Variants in CCDC150 observed in about 807,000 individuals in gnomAD.
The protein encoded by CCDC150 is coiled-coil domain containing 150.
In CCDC150, 151 loss-of-function variants were observed where a neutral mutation model predicts 156.5. The ratio of observed to expected loss-of-function variants is 0.97; its 90% CI spans 0.85 to 1.10. The LOEUF (loss-of-function observed/expected upper bound fraction) is 1.10. Ranked by LOEUF, CCDC150 falls within the 50% of genes least tolerant of loss-of-function variation. CCDC150 has a pLI of 0.00. For synonymous variants in CCDC150, 452 were observed against 429.4 expected (o/e 1.05, Z -0.65); for missense variants, 1,312 against 1,268.1 (o/e 1.03, Z -0.53).
chr2:196,725,641 T>C (rs1228912405), intron 21 of CCDC150, among the ~76,000 whole-genome samples: 3 of 152,234 alleles, frequency 2.0e-5, no homozygotes. Context: ...GCTATAATGT[T>C]TTGTTTGAAA....
intron 6 of CCDC150, 87 bp from the exon 7 acceptor site, chr2:196,666,632 T>A (rs909481182): frequency 9.1e-7 from 1 of 1,094,688 alleles, no homozygotes; most frequent in Non-Finnish European, 1.3e-6. Flanking sequence ...ACATTAAGGT[T>A]GGAATGTTGC....
chr2:196,732,201 T>G, intron 27 of CCDC150, 49 bp downstream of exon 27: 1 of 1,605,050 alleles, frequency 6.2e-7, no homozygotes, highest in African/African-American at 1.3e-5. Flanking sequence ...TTGTTGCTTC[T>G]CAGATTTCTA....
chr2:196,677,542 A>T (rs1375235728), intron 13 of CCDC150, among the ~76,000 whole-genome samples, 181 bp downstream of exon 13: 2 of 152,150 alleles, frequency 1.3e-5, no homozygotes, highest in Non-Finnish European at 2.9e-5. Context: ...GTTTCTGGGG[A>T]ACATTTTCTT....
chr2:196,702,209 A>G (rs1475939336), intron 15 of CCDC150, among the ~76,000 whole-genome samples: 1 of 152,176 alleles, frequency 6.6e-6, no homozygotes, highest in Non-Finnish European at 1.5e-5. Flanking sequence ...TGATCATGCC[A>G]TTGCATTCCT....
Position 196,672,456 on chromosome 2 carries a change from G to T in CCDC150, c.1029+19G>T. 1 of 1,342,330 alleles carries T rather than the reference G, an allele frequency of 7.4e-7. No homozygotes were observed. Among genetic ancestry groups the T allele is most frequent in the African/African-American group, 1.5e-5 (1 of 65,576 alleles). 83.2% of individuals were successfully genotyped at this position (1,342,330 alleles called of 1,614,324 possible). On this transcript the variant is annotated intron_variant, in intron 9 of 27. Coordinates refer to ENST00000389175, the MANE Select transcript of CCDC150 (RefSeq NM_001080539.2). Reference sequence around the variant, plus strand: ...AGCACAAGTAAATGCTCATGATTTTGTTAGTTTTTAGATGTTATTTAATTT... The same window carrying T: ...AGCACAAGTAAATGCTCATGATTTTTTTAGTTTTTAGATGTTATTTAATTT...
intron 14 of CCDC150, among the ~76,000 whole-genome samples, chr2:196,699,396 A>G (rs555812742): frequency 3.2e-4 from 49 of 152,328 alleles, no homozygotes; most frequent in African/African-American, 1.2e-3. Flanking sequence ...TTAAAGGTGT[A>G]TGATTTTACG....
At chr2:196,676,933 C>A (rs546791740) in intron 12 of CCDC150, among the ~76,000 whole-genome samples, 1 of 152,260 alleles carries the variant, frequency 6.6e-6, no homozygotes, top group South Asian at 2.1e-4. Flanking sequence ...ATATACTTAT[C>A]CGGCGTTAGT....
chr2:196,709,352 A>G (rs147433326), intron 15 of CCDC150, among the ~76,000 whole-genome samples: 5 of 152,124 alleles, frequency 3.3e-5, no homozygotes, highest in African/African-American at 1.2e-4. Flanking sequence ...TTTCAGCTCC[A>G]TCAGGTCATT....
At chr2:196,654,822 C>T (rs1693094757) in intron 2 of CCDC150, among the ~76,000 whole-genome samples, 1 of 152,164 alleles carries the variant, frequency 6.6e-6, no homozygotes, top group Non-Finnish European at 1.5e-5. Context: ...GGTTTCTGTA[C>T]ATTAAGACAG....
chr2:196,668,672 T>C (rs1396092336), intron 7 of CCDC150, among the ~76,000 whole-genome samples: 2 of 152,194 alleles, frequency 1.3e-5, no homozygotes, highest in Non-Finnish European at 2.9e-5. Context: ...AAATATTTGC[T>C]TCAATGAATT....
chr2:196,684,714 T>A (rs1695028543), intron 13 of CCDC150, among the ~76,000 whole-genome samples: 1 of 152,140 alleles, frequency 6.6e-6, no homozygotes, highest in African/African-American at 2.4e-5. Context: ...TTTTGCTTCA[T>A]ATACTTGTGG....
At chr2:196,680,857 A>C (rs902008026) in intron 13 of CCDC150, among the ~76,000 whole-genome samples, 1 of 152,230 alleles carries the variant, frequency 6.6e-6, no homozygotes, top group Non-Finnish European at 1.5e-5. Flanking sequence ...TGAGAGTTCC[A>C]GTGTCTCCAC....
At chr2:196,700,693 A>G (rs961900919) in intron 14 of CCDC150, among the ~76,000 whole-genome samples, 7 of 152,280 alleles carry the variant, frequency 4.6e-5, no homozygotes, top group African/African-American at 1.4e-4. Flanking sequence ...GCTTTTTACC[A>G]TGGTAAGTGA....
intron 13 of CCDC150, among the ~76,000 whole-genome samples, chr2:196,691,468 T>G (rs1695468211): frequency 6.6e-6 from 1 of 152,328 alleles, no homozygotes; most frequent in Non-Finnish European, 1.5e-5. Context: ...ATTTATCTGT[T>G]TCTTCTATAT....
intron 1 of CCDC150, among the ~76,000 whole-genome samples, chr2:196,643,498 A>G (rs1692359846): frequency 6.6e-6 from 1 of 152,234 alleles, no homozygotes; most frequent in Non-Finnish European, 1.5e-5. Flanking sequence ...TGGAGAGCCA[A>G]TGTAAGCATT....
At chr2:196,719,197 C>G (rs1452574771) in intron 18 of CCDC150, 2 of 212,384 alleles carry the variant, frequency 9.4e-6, no homozygotes, top group East Asian at 2.0e-4. Flanking sequence ...GCCAGCCTGG[C>G]GCCACCTCTG....
At chr2:196,719,765 C>CAAA (rs368182383) in intron 19 of CCDC150, 99 bp downstream of exon 19, 4 of 545,040 alleles carry the variant, frequency 7.3e-6, no homozygotes, top group Non-Finnish European at 7.9e-6. Context: ...GCTTCCTTTA[C>CAAA]AAAAAAAAAA....
At chr2:196,643,773 T>C (rs1692375201) in intron 1 of CCDC150, among the ~76,000 whole-genome samples, 1 of 152,230 alleles carries the variant, frequency 6.6e-6, no homozygotes, top group South Asian at 2.1e-4. Flanking sequence ...TTGTTCTCCC[T>C]TCCCCTCTCC....
chr2:196,689,378 C>A (rs1287466428), intron 13 of CCDC150, among the ~76,000 whole-genome samples: 1 of 151,814 alleles, frequency 6.6e-6, no homozygotes, highest in South Asian at 2.1e-4. Flanking sequence ...TACCCATGAG[C>A]ATGGAATGTT....
Sources: allele counts gnomAD v4.1 joint callset (sites outside exome capture counted in the v4.1 genomes callset), GRCh38; gene constraint gnomAD v4.1.1; transcripts MANE v1.5; gene names NCBI Gene and HGNC (gene_info 2026-07-23, HGNC 2026-07-21).